DNAH11: variants seen among roughly 807,000 people sequenced by gnomAD.
DNAH11 encodes dynein axonemal heavy chain 11, also known as axonemal beta dynein heavy chain 11.
A neutral mutation model predicts 526.0 loss-of-function variants in DNAH11; 442 were observed. That is an observed-to-expected ratio of 0.84 (90% CI 0.78 to 0.91). The LOEUF (loss-of-function observed/expected upper bound fraction) is 0.91, where lower values mean the gene tolerates loss of function less well. DNAH11 is among the 40% of genes least tolerant of loss of function. DNAH11 has a pLI of 0.00. For synonymous variants in DNAH11, 2,461 were observed against 1,935.9 expected (o/e 1.27, Z -7.12); for missense variants, 6,989 against 5,448.7 (o/e 1.28, Z -8.90).
intron 72 of DNAH11, 73 bp from the exon 73 acceptor site, chr7:21,868,791 G>A (rs1319730332): frequency 6.3e-7 from 1 of 1,587,572 alleles, no homozygotes; most frequent in Non-Finnish European, 8.6e-7. Context: ...ATGTGCATTA[G>A]ACCACAGAAT....
chr7:21,728,405 C>G (rs971503512), intron 45 of DNAH11, among the ~76,000 whole-genome samples: 1 of 151,710 alleles, frequency 6.6e-6, no homozygotes, highest in South Asian at 2.1e-4. Flanking sequence ...CTACAGGCAA[C>G]CCACCACCAT....
At chr7:21,804,807 T>A (rs7806218) in intron 62 of DNAH11, among the ~76,000 whole-genome samples, 1,764 of 152,290 alleles carry the variant, frequency 0.012, 40 homozygotes, top group African/African-American at 0.04. Context: ...GGTGATATTT[T>A]ACAAACTTAA....
intron 77 of DNAH11, among the ~76,000 whole-genome samples, chr7:21,893,463 G>T (rs1309649482): frequency 2.0e-5 from 3 of 152,190 alleles, no homozygotes; most frequent in Non-Finnish European, 4.4e-5. Context: ...CACTGTAAAT[G>T]AGTTTAAGAT....
intron 32 of DNAH11, among the ~76,000 whole-genome samples, chr7:21,685,801 T>G (rs1484995209): frequency 6.6e-6 from 1 of 152,188 alleles, no homozygotes; most frequent in East Asian, 1.9e-4. Flanking sequence ...CACATGTGTT[T>G]TAGCCAGTGA....
chr7:21,897,648 T>A (rs1453538994), intron 79 of DNAH11, among the ~76,000 whole-genome samples: 1 of 152,176 alleles, frequency 6.6e-6, no homozygotes, highest in Admixed American at 6.5e-5. Context: ...GAGATTCTCA[T>A]TCTGTTGCCT....
intron 74 of DNAH11, among the ~76,000 whole-genome samples, chr7:21,876,052 T>G (rs979453899): frequency 6.6e-6 from 1 of 151,808 alleles, no homozygotes; most frequent in African/African-American, 2.4e-5. Context: ...CACGGCTAAT[T>G]TTTTGAGTTT....
intron 66 of DNAH11, among the ~76,000 whole-genome samples, chr7:21,849,728 C>G (rs963850350): frequency 6.6e-6 from 1 of 152,090 alleles, no homozygotes; most frequent in African/African-American, 2.4e-5. Flanking sequence ...TTCCTGTGGA[C>G]TCTTTCAAGA....
chr7:21,624,347 A>G (rs1562709451), intron 25 of DNAH11, among the ~76,000 whole-genome samples: 1 of 152,068 alleles, frequency 6.6e-6, no homozygotes, highest in African/African-American at 2.4e-5. Flanking sequence ...TGATTTCTTA[A>G]TTTCTTTTTC....
intron 48 of DNAH11, among the ~76,000 whole-genome samples, chr7:21,739,912 G>A (rs781650123): frequency 5.9e-5 from 9 of 152,036 alleles, no homozygotes; most frequent in African/African-American, 1.9e-4. Context: ...TAATTCCTAT[G>A]TACTCTCTTA....
At chr7:21,651,827 C>G (rs965038741) in intron 28 of DNAH11, among the ~76,000 whole-genome samples, 1 of 152,198 alleles carries the variant, frequency 6.6e-6, no homozygotes, top group Non-Finnish European at 1.5e-5. Flanking sequence ...TACTAACTCT[C>G]CAGCCCACAA....
intron 31 of DNAH11, among the ~76,000 whole-genome samples, chr7:21,682,182 G>C (rs1040934370): frequency 6.6e-6 from 1 of 152,160 alleles, no homozygotes; most frequent in African/African-American, 2.4e-5. Context: ...TGTCTTGTAA[G>C]AAGTTATTTT....
intron 55 of DNAH11, among the ~76,000 whole-genome samples, chr7:21,769,415 C>T (rs1248951933): frequency 1.3e-5 from 2 of 152,148 alleles, no homozygotes; most frequent in Non-Finnish European, 2.9e-5. Context: ...GCAGCCACAC[C>T]ATTCACACCA....
At chr7:21,681,249 A>G (rs1783122801) in intron 30 of DNAH11, among the ~76,000 whole-genome samples, 1 of 152,044 alleles carries the variant, frequency 6.6e-6, no homozygotes, top group Non-Finnish European at 1.5e-5. Context: ...CAAAATGGTG[A>G]AATCATGTCC....
chr7:21,604,211 T>C (rs550422116), intron 18 of DNAH11, among the ~76,000 whole-genome samples: 14 of 152,314 alleles, frequency 9.2e-5, no homozygotes, highest in Admixed American at 7.2e-4. Context: ...ATTACTTCCT[T>C]AAAGTCATGA....
rs376446546 is a variant in DNAH11 at position 21,784,564 on chromosome 7, G to A, written c.9597+24G>A. 49 of 1,526,742 alleles carry A rather than the reference G, an allele frequency of 3.2e-5. No individual in the cohort carries two copies. In the African/African-American group the frequency reaches 5.5e-4, roughly 17 times the overall value. 94.6% of individuals were successfully genotyped at this position (1,526,742 alleles called of 1,614,324 possible). On this transcript the variant is annotated intron_variant, in intron 58 of 81. Coordinates refer to ENST00000409508, the MANE Select transcript of DNAH11 (RefSeq NM_001277115.2). ...GGGTAAAGATAATTTATTGGTCCCT[G>A]AGTTTCCTCAAAGTAATATTTAAAG...
intron 25 of DNAH11, among the ~76,000 whole-genome samples, chr7:21,635,116 AG>A (rs1786794553): frequency 6.6e-6 from 1 of 151,832 alleles, no homozygotes. Context: ...TGGAAGCTGG[AG>A]GGCCTAGCAG....
chr7:21,832,734 TG>T (rs1191221728), intron 65 of DNAH11, among the ~76,000 whole-genome samples: 5 of 152,100 alleles, frequency 3.3e-5, no homozygotes, highest in Non-Finnish European at 7.4e-5. Flanking sequence ...TCCTCTAGAG[TG>T]GCAGTGGACA....
intron 8 of DNAH11, among the ~76,000 whole-genome samples, chr7:21,575,010 G>T (rs2128438491): frequency 6.6e-6 from 1 of 151,144 alleles, no homozygotes; most frequent in South Asian, 2.1e-4. Flanking sequence ...GAGTAGCTGG[G>T]ATTACAGGAG....
At chr7:21,889,932 T>G (rs1336085861) in intron 76 of DNAH11, among the ~76,000 whole-genome samples, 1 of 152,202 alleles carries the variant, frequency 6.6e-6, no homozygotes, top group African/African-American at 2.4e-5. Flanking sequence ...GATGGTTTTC[T>G]TAAAGTAAAA....
Sources: allele counts gnomAD v4.1 joint callset (sites outside exome capture counted in the v4.1 genomes callset), GRCh38; gene constraint gnomAD v4.1.1; transcripts MANE v1.5; gene names NCBI Gene and HGNC (gene_info 2026-07-23, HGNC 2026-07-21).